The following NEDD4 variants were observed in gnomAD, a reference collection of about 807,000 sequenced individuals.
NEDD4 encodes the protein NEDD4 E3 ubiquitin protein ligase, also known as E3 ubiquitin-protein ligase NEDD4.
A neutral mutation model predicts 144.9 loss-of-function variants in NEDD4; 99 were observed. The ratio of observed to expected loss-of-function variants is 0.68; its 90% CI spans 0.58 to 0.81. NEDD4 has a LOEUF of 0.81. NEDD4 is among the 30% of genes least tolerant of loss of function. The pLI is 0.00. For missense variants in NEDD4, 985 were observed against 1,065.9 expected, an observed-to-expected ratio of 0.92 and a Z score of 1.06; for synonymous variants, 318 against 350.6, an observed-to-expected ratio of 0.91 and a Z score of 1.04.
chr15:55,939,586 C>T (rs1044137120), intron 4 of NEDD4, among the ~76,000 whole-genome samples: 1 of 152,030 alleles, frequency 6.6e-6, no homozygotes, highest in African/African-American at 2.4e-5. Context: ...AAATGGCCCA[C>T]TCTTTATGTA....
chr15:55,842,961 T>C (rs2033580817), intron 18 of NEDD4, among the ~76,000 whole-genome samples: 1 of 152,204 alleles, frequency 6.6e-6, no homozygotes, highest in African/African-American at 2.4e-5. Flanking sequence ...TCCCACAATC[T>C]CCATGTGTCA....
chr15:55,907,815 C>T (rs767641934), intron 5 of NEDD4, among the ~76,000 whole-genome samples: 2 of 152,188 alleles, frequency 1.3e-5, no homozygotes, highest in Non-Finnish European at 2.9e-5. Context: ...TCTGAATACC[C>T]TTAAAGATCT....
chr15:55,927,098 AAG>A (rs1290449511), intron 4 of NEDD4, among the ~76,000 whole-genome samples: 5,409 of 139,978 alleles, frequency 0.039, 192 homozygotes, highest in Non-Finnish European at 0.065. Flanking sequence ...AAAAAAAAAA[AAG>A]AAAGAAAGAA....
At chr15:55,938,119 G>A (rs1171010191) in intron 4 of NEDD4, among the ~76,000 whole-genome samples, 1 of 152,168 alleles carries the variant, frequency 6.6e-6, no homozygotes, top group Non-Finnish European at 1.5e-5. Flanking sequence ...CTAGCACTTT[G>A]GGAGGCTGAG....
chr15:55,924,415 G>A, intron 5 of NEDD4: 1 of 484,412 alleles, frequency 2.1e-6, no homozygotes, highest in African/African-American at 1.9e-5. Context: ...TCTTGAGTAA[G>A]ACCTTATAAT....
At chr15:55,986,498 T>C (rs2140453262) in intron 1 of NEDD4, among the ~76,000 whole-genome samples, 1 of 150,548 alleles carries the variant, frequency 6.6e-6, no homozygotes, top group South Asian at 2.1e-4. Context: ...GAGCGTGACC[T>C]GAACATGGTC....
chr15:55,973,893 A>G (rs1271497834), intron 1 of NEDD4, among the ~76,000 whole-genome samples: 1 of 151,896 alleles, frequency 6.6e-6, no homozygotes, highest in African/African-American at 2.4e-5. Flanking sequence ...AGAGCAAACC[A>G]ACTCCAAAAT....
chr15:55,945,091 A>G (rs1401997053), intron 4 of NEDD4, among the ~76,000 whole-genome samples: 1 of 152,162 alleles, frequency 6.6e-6, no homozygotes, highest in Non-Finnish European at 1.5e-5. Flanking sequence ...TCTAAAAACC[A>G]GAGCGCATCT....
At chr15:55,923,643 C>T (rs1266023043) in intron 5 of NEDD4, among the ~76,000 whole-genome samples, 1 of 48,978 alleles carries the variant, frequency 2.0e-5, no homozygotes, top group Admixed American at 2.6e-4. Flanking sequence ...GAGACTCCAT[C>T]TCAAAAAAAA....
intron 5 of NEDD4, among the ~76,000 whole-genome samples, chr15:55,902,338 T>TAA (rs1400244322): frequency 6.6e-6 from 1 of 152,182 alleles, no homozygotes; most frequent in African/African-American, 2.4e-5. Context: ...CATAGTGACT[T>TAA]AGAGATTTAT....
At position 55,924,638 on chromosome 15, in the gene NEDD4, T is replaced by A; in HGVS notation, c.291+8A>T. On this transcript the variant is annotated splice_region_variant and intron_variant, in intron 5 of 28. Transcript: ENST00000435532. ...CTTCATATTTCATATAAGCACAATA[T>A]AACTTACCAATCGGTTTTCGTCAAA... The A allele has an allele frequency of 6.2e-7, 1 of 1,605,550 alleles. No individual in the cohort carries two copies. Among genetic ancestry groups the A allele is most frequent in the Non-Finnish European group, 8.5e-7 (1 of 1,175,482 alleles).
At position 55,866,299 on chromosome 15, in the gene NEDD4, C is replaced by T. The variant is rs558940630; in HGVS notation, c.508-3220G>A. Among the ~76,000 whole-genome samples, 348 of 150,782 alleles carry T rather than the reference C, an allele frequency of 2.3e-3. 2 individuals carry two copies. Among genetic ancestry groups the T allele is most frequent in the Non-Finnish European group, 3.5e-3 (239 of 67,676 alleles). On this transcript the variant is annotated intron_variant, in intron 8 of 28. Transcript: ENST00000435532. ...CTTTTTATTGCCCAAATTTCATTCT[C>T]TTCTTTCCTTATATCCTCTTACTTT...
In NEDD4 at chr15:55,863,009, AGAG is replaced by A. The variant is rs571063108; in HGVS notation, c.575_577del (p.Pro192del). 1,018 of 1,607,310 alleles carry A rather than the reference AGAG, an allele frequency of 6.3e-4. 5 individuals are homozygous for A. In the African/African-American group the frequency reaches 0.012, roughly 19 times the overall value. ...CTGCCTCTCTTCCCACCCTGGAGGT[AGAG>A]GAGAAGGTTCTTGTTGTTGCTGCAA... On this transcript the variant is annotated inframe_deletion, in exon 9 of 29. Coordinates refer to ENST00000435532, the MANE Select transcript of NEDD4 (RefSeq NM_006154.4).
rs115590273 is a variant in NEDD4 at position 55,965,468 on chromosome 15, C to T, written c.119+1005G>A. On this transcript the variant is annotated intron_variant, in intron 2 of 28. Coordinates refer to ENST00000435532, the MANE Select transcript of NEDD4 (RefSeq NM_006154.4). The stretch of plus-strand genomic sequence containing the variant: ...CTGTCTGCCTCAGTCTCCCAAACCC[C>T]GTTTCTTAGGCAGTGACTGTGATCT... 4.2e-3 allele frequency among the ~76,000 whole-genome samples: 637 copies of T among 152,162 alleles called. 7 individuals carry two copies. The highest frequency in any genetic ancestry group is 9.7e-3 in the African/African-American group (403 of 41,534).
chr15:55,927,368 T>G (rs71476753), intron 4 of NEDD4, among the ~76,000 whole-genome samples: 1 of 151,990 alleles, frequency 6.6e-6, no homozygotes, highest in African/African-American at 2.4e-5. Context: ...TGGAATGCAG[T>G]GGTGCGATCA....
chr15:55,906,840 A>G (rs1367055872), intron 5 of NEDD4, among the ~76,000 whole-genome samples: 10 of 152,184 alleles, frequency 6.6e-5, no homozygotes, highest in East Asian at 1.9e-4. Context: ...TCACGCCCAT[A>G]ATCCCAATGC....
intron 5 of NEDD4, among the ~76,000 whole-genome samples, chr15:55,883,340 G>C (rs1054683866): frequency 6.6e-6 from 1 of 152,118 alleles, no homozygotes; most frequent in Non-Finnish European, 1.5e-5. Flanking sequence ...TTTGTCTTAT[G>C]GTTTGTGTGT....
At chr15:55,937,050 C>G (rs1462951233) in intron 4 of NEDD4, among the ~76,000 whole-genome samples, 1 of 152,130 alleles carries the variant, frequency 6.6e-6, no homozygotes, top group African/African-American at 2.4e-5. Flanking sequence ...TCCTCGGCCT[C>G]CCAAAGCACT....
At chr15:55,852,364 T>C in intron 13 of NEDD4, 60 bp downstream of exon 13, 1 of 1,550,410 alleles carries the variant, frequency 6.4e-7, no homozygotes, top group Non-Finnish European at 8.8e-7. Flanking sequence ...TGTAATAGTT[T>C]ACATAGGGAT....
Sources: allele counts gnomAD v4.1 joint callset (sites outside exome capture counted in the v4.1 genomes callset), GRCh38; gene constraint gnomAD v4.1.1; transcripts MANE v1.5; gene names NCBI Gene and HGNC (gene_info 2026-07-23, HGNC 2026-07-21).